Variants in CADM2 observed in about 807,000 individuals in gnomAD.
The protein encoded by CADM2 is cell adhesion molecule 2.
CADM2 carries 12 observed loss-of-function variants against 49.8 expected under a neutral mutation model. That is an observed-to-expected ratio of 0.24 (90% CI 0.15 to 0.39). CADM2 has a LOEUF of 0.39. Among genes scored for constraint, CADM2 ranks in the 10% least tolerant of loss-of-function variants. The pLI is 1.00. For synonymous variants in CADM2, 214 were observed against 175.4 expected (o/e 1.22, Z -1.74); for missense variants, 378 against 492.3 (o/e 0.77, Z 2.20).
chr3:85,891,907 A>T (rs1010570481), intron 5 of CADM2, among the ~76,000 whole-genome samples: 10 of 152,244 alleles, frequency 6.6e-5, no homozygotes, highest in African/African-American at 2.4e-4. Flanking sequence ...CCATACCTTG[A>T]TTCCTCACTC....
At chr3:85,738,303 A>G (rs2107816576) in intron 2 of CADM2, among the ~76,000 whole-genome samples, 1 of 152,328 alleles carries the variant, frequency 6.6e-6, no homozygotes, top group Middle Eastern at 3.4e-3. Flanking sequence ...CTGATGTTTG[A>G]TTCATTGAAG....
At chr3:85,555,497 A>G (rs552945069) in intron 1 of CADM2, among the ~76,000 whole-genome samples, 1 of 152,304 alleles carries the variant, frequency 6.6e-6, no homozygotes, top group African/African-American at 2.4e-5. Flanking sequence ...GGTTTAATTT[A>G]AATATACTTC....
chr3:85,613,622 T>C lies in CADM2; in HGVS notation c.62-112900T>C, dbSNP rs35460387. 5.6e-3 allele frequency among the ~76,000 whole-genome samples: 852 copies of C among 151,740 alleles called. 5 individuals are homozygous for C. The highest frequency in any genetic ancestry group is 8.7e-3 in the Non-Finnish European group (591 of 67,728). ...TTCTTTTGGTTTGAGAATGACACTT[T>C]ATAATAATAACTAATATAATTTTTA... is the stretch of plus-strand genomic sequence containing the variant. On this transcript the variant is annotated intron_variant, in intron 1 of 9. Transcript: ENST00000383699.
intron 1 of CADM2, among the ~76,000 whole-genome samples, chr3:85,460,280 A>G (rs1159506793): frequency 1.4e-5 from 1 of 70,298 alleles, no homozygotes; most frequent in Non-Finnish European, 2.6e-5. Context: ...GGAGGTTCAG[A>G]AAAAAAAATG....
rs1335108043 is a variant in CADM2, at chr3:84,982,700, AGCATATATAT to A, written c.61+23033_61+23042del. ...TTGACATATAGATTGAAAACTATAA[AGCATATATAT>A]ATATATATATATATATATATATATA... On this transcript the variant is annotated intron_variant, in intron 1 of 9. Coordinates refer to ENST00000383699, the MANE Select transcript of CADM2 (RefSeq NM_001167675.2). Among the ~76,000 whole-genome samples the A allele has an allele frequency of 1.2e-4, 7 of 59,538 alleles. No homozygotes were observed. The East Asian group carries it at 2.7e-3, about 23-fold the overall frequency. The allele number at this position is 59,538 out of a possible 152,430, so 39.1% of individuals were successfully genotyped here.
intron 1 of CADM2, among the ~76,000 whole-genome samples, chr3:85,075,217 A>T (rs1394596646): frequency 6.6e-6 from 1 of 151,922 alleles, no homozygotes; most frequent in South Asian, 2.1e-4. Context: ...AGGCCTAAGC[A>T]GTTTTTTTGT....
At chr3:85,316,179 C>T (rs544124457) in intron 1 of CADM2, among the ~76,000 whole-genome samples, 2 of 152,316 alleles carry the variant, frequency 1.3e-5, no homozygotes, top group East Asian at 3.9e-4. Flanking sequence ...GTTTCACCAT[C>T]TGTAAGTTTC....
At chr3:85,780,990 T>C (rs1247425025) in intron 2 of CADM2, among the ~76,000 whole-genome samples, 3 of 152,124 alleles carry the variant, frequency 2.0e-5, no homozygotes, top group Non-Finnish European at 4.4e-5. Flanking sequence ...AGTCACCACC[T>C]GTCACCCCAG....
At chr3:85,259,461 G>A (rs1249762927) in intron 1 of CADM2, among the ~76,000 whole-genome samples, 1 of 151,954 alleles carries the variant, frequency 6.6e-6, no homozygotes, top group East Asian at 1.9e-4. Context: ...TAGTGAACAT[G>A]TGTGAGCCTG....
At chr3:85,916,395 G>A (rs552166376) in intron 6 of CADM2, among the ~76,000 whole-genome samples, 3 of 140,660 alleles carry the variant, frequency 2.1e-5, no homozygotes, top group East Asian at 4.2e-4. Flanking sequence ...TTGTTAAATT[G>A]CCACCTATGA....
intron 1 of CADM2, among the ~76,000 whole-genome samples, chr3:85,477,921 A>G (rs2039050661): frequency 6.6e-6 from 1 of 151,968 alleles, no homozygotes; most frequent in Admixed American, 6.6e-5. Context: ...TTAAAGATCT[A>G]TTTATTTAAA....
intron 1 of CADM2, among the ~76,000 whole-genome samples, chr3:85,417,232 CA>C (rs2035957549): frequency 6.6e-6 from 1 of 152,054 alleles, no homozygotes; most frequent in Admixed American, 6.6e-5. Flanking sequence ...AGTATTTAGA[CA>C]AAACCGATTT....
At chr3:84,992,264 G>C (rs2032933904) in intron 1 of CADM2, among the ~76,000 whole-genome samples, 1 of 151,986 alleles carries the variant, frequency 6.6e-6, no homozygotes, top group Non-Finnish European at 1.5e-5. Context: ...CAAAAACAAA[G>C]TTTATTTTAA....
chr3:85,405,421 G>A (rs1250334277), intron 1 of CADM2, among the ~76,000 whole-genome samples: 1 of 152,116 alleles, frequency 6.6e-6, no homozygotes, highest in East Asian at 1.9e-4. Context: ...GCCAGAGATT[G>A]GAAGTAACCA....
At chr3:85,297,766 A>G (rs907733397) in intron 1 of CADM2, among the ~76,000 whole-genome samples, 2 of 151,928 alleles carry the variant, frequency 1.3e-5, no homozygotes, top group African/African-American at 4.8e-5. Context: ...CTTAGCACCA[A>G]TTTCCACCAC....
intron 5 of CADM2, among the ~76,000 whole-genome samples, chr3:85,907,434 A>G (rs1483276989): frequency 2.0e-5 from 3 of 152,182 alleles, no homozygotes; most frequent in African/African-American, 7.2e-5. Flanking sequence ...TTAATAGCCT[A>G]CATGATTCCT....
At chr3:85,158,372 T>C (rs7647740) in intron 1 of CADM2, among the ~76,000 whole-genome samples, 26,939 of 151,924 alleles carry the variant, frequency 0.18, 4,494 homozygotes, top group African/African-American at 0.44. Flanking sequence ...AATCATGCTG[T>C]TGTAAAGACA....
At chr3:86,021,736 C>A (rs1733210558) in intron 8 of CADM2, among the ~76,000 whole-genome samples, 1 of 152,040 alleles carries the variant, frequency 6.6e-6, no homozygotes, top group African/African-American at 2.4e-5. Flanking sequence ...CATATATGTA[C>A]CACAAAATGA....
chr3:85,190,237 A>G (rs72909180), intron 1 of CADM2, among the ~76,000 whole-genome samples: 38,725 of 151,904 alleles, frequency 0.25, 8,935 homozygotes, highest in African/African-American at 0.62. Context: ...ACTTGCCCCC[A>G]TGCCACCAGT....
Sources: gnomAD v4.1 joint callset for allele counts (sites outside exome capture counted in the v4.1 genomes callset) on GRCh38, gnomAD v4.1.1 for gene constraint, MANE v1.5 for transcripts, NCBI Gene and HGNC (gene_info 2026-07-23, HGNC 2026-07-21) for gene names.